ATE1: variants seen among roughly 807,000 people sequenced by gnomAD.
ATE1 encodes arginyltransferase 1, also known as arginyl-tRNA--protein transferase 1.
In ATE1, 36 loss-of-function variants were observed where a neutral mutation model predicts 70.5. The ratio of observed to expected loss-of-function variants is 0.51; its 90% CI spans 0.39 to 0.67. ATE1 has a LOEUF of 0.67. Ranked by LOEUF, ATE1 falls within the 30% of genes least tolerant of loss-of-function variation. The probability of loss-of-function intolerance (pLI) is 0.00; values close to 1 mark genes in which losing one functional copy is unlikely to be tolerated. For synonymous variants in ATE1, 232 were observed against 219.3 expected (o/e 1.06, Z -0.51); for missense variants, 593 against 629.5 (o/e 0.94, Z 0.62).
intron 11 of ATE1, among the ~76,000 whole-genome samples, chr10:121,761,569 C>T (rs1945040381): frequency 6.6e-6 from 1 of 152,066 alleles, no homozygotes; most frequent in African/African-American, 2.4e-5. Context: ...GTGTGACTTG[C>T]TTTATAGCAG....
chr10:121,752,324 G>A lies in ATE1; in HGVS notation c.1379-8466C>T, dbSNP rs565449256. Among the ~76,000 whole-genome samples, 11 of 149,174 alleles carry A rather than the reference G, an allele frequency of 7.4e-5. No individual in the cohort carries two copies. The South Asian group carries it at 8.6e-4, about 12-fold the overall frequency. ...CTGCTCACTGCAAGCTCCGCCTTCC[G>A]GGTTCATGCCATTCTCCTGCCTCAG... On this transcript the variant is annotated intron_variant, in intron 11 of 11. Coordinates refer to ENST00000224652, the MANE Select transcript of ATE1 (RefSeq NM_001001976.3).
chr10:121,813,119 G>C (rs147736922), intron 10 of ATE1, among the ~76,000 whole-genome samples: 1 of 152,248 alleles, frequency 6.6e-6, no homozygotes, highest in Non-Finnish European at 1.5e-5. Flanking sequence ...TTAAGTCAAT[G>C]TTTTTATGTA....
At chr10:121,894,162 G>GA (rs1950685004) in intron 7 of ATE1, among the ~76,000 whole-genome samples, 1 of 146,468 alleles carries the variant, frequency 6.8e-6, no homozygotes, top group African/African-American at 2.5e-5. Context: ...AAGGAACAGA[G>GA]GAAAAAAAAA....
chr10:121,920,592 T>C (rs988618257), intron 3 of ATE1, among the ~76,000 whole-genome samples: 9 of 152,018 alleles, frequency 5.9e-5, no homozygotes, highest in African/African-American at 1.4e-4. Flanking sequence ...AAGATTTTTC[T>C]ATGTTAGGGT....
Position 121,818,745 on chromosome 10 carries a change from C to T in ATE1, c.1257+17973G>A, listed in dbSNP as rs183336049. On this transcript the variant is annotated intron_variant, in intron 10 of 11. Coordinates refer to ENST00000224652, the MANE Select transcript of ATE1 (RefSeq NM_001001976.3). Reference sequence around the variant, plus strand: ...TCTACTTACAGAATTTGTTTAAAAACTTGTTTAACAAGAGAAGACTCCTGA... The same window carrying T: ...TCTACTTACAGAATTTGTTTAAAAATTTGTTTAACAAGAGAAGACTCCTGA... Among the ~76,000 whole-genome samples, 412 of 152,292 alleles carry T rather than the reference C, an allele frequency of 2.7e-3. 4 individuals carry two copies. Among genetic ancestry groups the T allele is most frequent in the African/African-American group, 9.4e-3 (392 of 41,570 alleles).
chr10:121,804,956 A>G (rs767605452), intron 10 of ATE1, among the ~76,000 whole-genome samples: 1 of 152,262 alleles, frequency 6.6e-6, no homozygotes, highest in Middle Eastern at 3.4e-3. Context: ...AACTCTCTGC[A>G]GACTCCACTG....
chr10:121,891,626 G>T lies in ATE1; in HGVS notation c.942+8240C>A, dbSNP rs140191928. On this transcript the variant is annotated intron_variant, in intron 7 of 11. Transcript: ENST00000224652. Reference sequence around the variant, plus strand: ...ATTTCTTAATGATGTCTGTATTAAGGTTACTGAAAAGAATTGCTTAGAATA... The same window carrying T: ...ATTTCTTAATGATGTCTGTATTAAGTTTACTGAAAAGAATTGCTTAGAATA... Among the ~76,000 whole-genome samples, 1,073 of 152,104 alleles carry T rather than the reference G, an allele frequency of 7.1e-3. 24 individuals are homozygous for T. Among genetic ancestry groups the T allele is most frequent in the African/African-American group, 0.024 (1,015 of 41,482 alleles).
intron 7 of ATE1, among the ~76,000 whole-genome samples, chr10:121,885,295 C>T (rs1391548627): frequency 7.1e-6 from 1 of 141,210 alleles, no homozygotes; most frequent in African/African-American, 2.7e-5. Flanking sequence ...AGAGGCCGGG[C>T]GCGGTGGCTC....
intron 6 of ATE1, 132 bp downstream of exon 6, chr10:121,902,259 C>T: frequency 2.4e-6 from 2 of 850,574 alleles, no homozygotes; most frequent in Non-Finnish European, 3.5e-6. Context: ...TCCCAGTTCT[C>T]TTTAATTTCT....
chr10:121,789,118 C>G (rs1370817568), intron 11 of ATE1, among the ~76,000 whole-genome samples: 1 of 152,096 alleles, frequency 6.6e-6, no homozygotes, highest in Non-Finnish European at 1.5e-5. Flanking sequence ...GGGGGCTGTT[C>G]TTAGCATGTT....
intron 11 of ATE1, among the ~76,000 whole-genome samples, chr10:121,780,612 T>G (rs745872360): frequency 3.9e-5 from 6 of 152,152 alleles, no homozygotes; most frequent in Non-Finnish European, 5.9e-5. Context: ...AAATCTCAAC[T>G]CCTTATCATG....
At chr10:121,747,927 T>C (rs1813557721) in intron 11 of ATE1, among the ~76,000 whole-genome samples, 1 of 152,208 alleles carries the variant, frequency 6.6e-6, no homozygotes, top group Admixed American at 6.5e-5. Context: ...CATTGCAACA[T>C]GAATAACAAT....
At position 121,874,716 on chromosome 10, in the gene ATE1, GACA is replaced by G. The variant is rs907765925; in HGVS notation, c.943-4681_943-4679del. The stretch of plus-strand genomic sequence containing the variant: ...TAAGATTCAAAACATCTTAAAAGAT[GACA>G]ACAAGGCCGGGTGCAGTGGTTCACA... On this transcript the variant is annotated intron_variant, in intron 7 of 11. Transcript: ENST00000224652. Among the ~76,000 whole-genome samples, 4 of 152,268 alleles carry G rather than the reference GACA, an allele frequency of 2.6e-5. No individual in the cohort carries two copies. The South Asian group carries it at 8.3e-4, about 32-fold the overall frequency.
intron 11 of ATE1, among the ~76,000 whole-genome samples, chr10:121,774,609 C>T (rs370888545): frequency 1.3e-5 from 2 of 152,130 alleles, no homozygotes; most frequent in African/African-American, 4.8e-5. Context: ...TTACAGAGCA[C>T]GTTCATTACA....
At chr10:121,891,509 G>A (rs1328014012) in intron 7 of ATE1, among the ~76,000 whole-genome samples, 2 of 152,148 alleles carry the variant, frequency 1.3e-5, no homozygotes, top group African/African-American at 4.8e-5. Flanking sequence ...TCCTCAGGGT[G>A]CTTTCTGTTA....
At chr10:121,762,279 C>A (rs1380183304) in intron 11 of ATE1, among the ~76,000 whole-genome samples, 1 of 152,112 alleles carries the variant, frequency 6.6e-6, no homozygotes, top group African/African-American at 2.4e-5. Context: ...ACGTAGTGTC[C>A]TTTTCTAGGT....
At chr10:121,758,099 A>C (rs970708265) in intron 11 of ATE1, among the ~76,000 whole-genome samples, 1 of 152,254 alleles carries the variant, frequency 6.6e-6, no homozygotes, top group Non-Finnish European at 1.5e-5. Context: ...AGAACAAAGA[A>C]GGTACTATAC....
At chr10:121,888,539 A>G (rs1950480031) in intron 7 of ATE1, among the ~76,000 whole-genome samples, 1 of 152,200 alleles carries the variant, frequency 6.6e-6, no homozygotes, top group South Asian at 2.1e-4. Flanking sequence ...TGATACAGTA[A>G]AAGAGTAAGA....
Position 121,926,602 on chromosome 10 carries a change from G to C in ATE1, c.106+1242C>G, listed in dbSNP as rs138145799. ...TATCACAATTATTGGAAAAAAATAA[G>C]TAATGACCTATTAAAATATTAATTT... On this transcript the variant is annotated intron_variant, in intron 1 of 11. Coordinates refer to ENST00000224652, the MANE Select transcript of ATE1 (RefSeq NM_001001976.3). 3.5e-4 allele frequency: 195 copies of C among 554,128 alleles called. No homozygotes were observed. The African/African-American group carries it at 3.7e-3, about 11-fold the overall frequency. 34.3% of individuals were successfully genotyped at this position (554,128 alleles called of 1,614,324 possible). A position where few individuals can be genotyped will look rare whatever the true frequency, so the allele number is the denominator to read the frequency against.
Sources: gnomAD v4.1 joint callset for allele counts (sites outside exome capture counted in the v4.1 genomes callset) on GRCh38, gnomAD v4.1.1 for gene constraint, MANE v1.5 for transcripts, NCBI Gene and HGNC (gene_info 2026-07-23, HGNC 2026-07-21) for gene names.